KIF1B: variants seen among roughly 807,000 people sequenced by gnomAD.
The protein encoded by KIF1B is kinesin family member 1B, also known as kinesin-like protein KIF1B.
In KIF1B, 76 loss-of-function variants were observed where a neutral mutation model predicts 241.9. That is an observed-to-expected ratio of 0.31 (90% CI 0.26 to 0.38). KIF1B has a LOEUF of 0.38. KIF1B is among the 10% of genes least tolerant of loss of function. KIF1B has a pLI of 1.00. For synonymous variants in KIF1B, 750 were observed against 796.7 expected, an observed-to-expected ratio of 0.94 and a Z score of 0.99; for missense variants, 1,622 against 2,271.4, an observed-to-expected ratio of 0.71 and a Z score of 5.81.
At chr1:10,332,904 C>T (rs1303925368) in intron 27 of KIF1B, among the ~76,000 whole-genome samples, 3 of 151,418 alleles carry the variant, frequency 2.0e-5, no homozygotes, top group African/African-American at 7.3e-5. Flanking sequence ...CTCCACCTCC[C>T]GGGTTCAAGC....
chr1:10,324,209 T>G (rs746126105), intron 25 of KIF1B, 147 bp downstream of exon 25: 49 of 762,780 alleles, frequency 6.4e-5, no homozygotes, highest in Non-Finnish European at 1.1e-4. Context: ...CCAATGGTAT[T>G]ACCATCCATC....
Position 10,277,970 on chromosome 1 carries a change from T to G in KIF1B, c.1038-16T>G. Reference sequence around the variant, plus strand: ...ATATGAGAAATGACAAGAACAAATTTTCTTTTTGGATCTAGATATGCAGAT... The same window carrying G: ...ATATGAGAAATGACAAGAACAAATTGTCTTTTTGGATCTAGATATGCAGAT... On this transcript the variant is annotated splice_polypyrimidine_tract_variant and intron_variant, in intron 12 of 48. Transcript: ENST00000676179. The G allele has an allele frequency of 6.2e-7, 1 of 1,612,496 alleles. No individual in the cohort carries two copies. The highest frequency in any genetic ancestry group is 8.5e-7 in the Non-Finnish European group (1 of 1,178,884).
intron 38 of KIF1B, among the ~76,000 whole-genome samples, chr1:10,358,494 C>T (rs1638320590): frequency 6.6e-6 from 1 of 152,034 alleles, no homozygotes; most frequent in Non-Finnish European, 1.5e-5. Flanking sequence ...TGGATGTATC[C>T]AGCCTCTGAA....
At chr1:10,296,509 T>A in intron 19 of KIF1B, 73 bp from the exon 20 acceptor site, 1 of 1,252,664 alleles carries the variant, frequency 8.0e-7, no homozygotes, top group Non-Finnish European at 1.2e-6. Context: ...CAAATCCTGA[T>A]AAGCAACTGC....
Position 10,220,851 on chromosome 1 carries a change from C to T in KIF1B, c.-80+9973C>T, listed in dbSNP as rs1013702270. On this transcript the variant is annotated intron_variant, in intron 1 of 48. Transcript: ENST00000676179. ...CTGATTTTTGTGCTTTTAATAGAGA[C>T]GGAGTTTCACCATGCTGGCCAGGCT... 4.6e-5 allele frequency among the ~76,000 whole-genome samples: 7 copies of T among 151,736 alleles called. No homozygotes were observed. In the East Asian group the frequency reaches 5.9e-4, roughly 13 times the overall value.
chr1:10,219,375 A>G (rs1223711626), intron 1 of KIF1B, among the ~76,000 whole-genome samples: 1 of 152,028 alleles, frequency 6.6e-6, no homozygotes, highest in Non-Finnish European at 1.5e-5. Flanking sequence ...CAAGAGAATC[A>G]CTTGAACCTG....
rs200434172 is a variant in KIF1B, at chr1:10,238,014, A to AAAAG, written c.106+5596_106+5599dup. On this transcript the variant is annotated intron_variant, in intron 2 of 48. Transcript: ENST00000676179. ...ATGGAGTGAGACACTGTTTCAGGAA[A>AAAAG]AAAGAAAGAAAGAAAGAAAATTTGG... 1.5e-4 allele frequency among the ~76,000 whole-genome samples: 23 copies of AAAAG among 152,118 alleles called. 1 individual carries two copies. The highest frequency in any genetic ancestry group is 1.0e-3 in the Admixed American group (16 of 15,250).
intron 26 of KIF1B, among the ~76,000 whole-genome samples, chr1:10,325,586 A>T (rs960904974): frequency 1.3e-5 from 2 of 152,226 alleles, no homozygotes; most frequent in Non-Finnish European, 2.9e-5. Context: ...TGTGGAAATG[A>T]AGTAAATCTT....
chr1:10,376,707 C>G lies in KIF1B; in HGVS notation c.*120C>G, dbSNP rs1436024977. 1.0e-6 allele frequency: 1 copy of G among 995,042 alleles called. No individual in the cohort carries two copies. Among genetic ancestry groups the G allele is most frequent in the Non-Finnish European group, 1.6e-6 (1 of 625,710 alleles). 61.6% of individuals were successfully genotyped at this position (995,042 alleles called of 1,614,324 possible). On this transcript the variant is annotated 3_prime_UTR_variant, in exon 49 of 49. Coordinates refer to ENST00000676179, the MANE Select transcript of KIF1B (RefSeq NM_001365951.3). ...TAATCCTGTGGCTTAACTACTTCTC[C>G]CTCCTTGTCCAGCACTTTTCTAGCT... is the stretch of plus-strand genomic sequence containing the variant.
chr1:10,344,249 C>T (rs1652507275), intron 34 of KIF1B, among the ~76,000 whole-genome samples: 1 of 152,212 alleles, frequency 6.6e-6, no homozygotes, highest in South Asian at 2.1e-4. Context: ...CTCTTTCTGC[C>T]AGTTCCCAGC....
At chr1:10,360,864 CA>C in intron 38 of KIF1B, 64 bp from the exon 39 acceptor site, 3 of 1,023,494 alleles carry the variant, frequency 2.9e-6, no homozygotes, top group Non-Finnish European at 4.7e-6. Context: ...TTGACAGTGG[CA>C]GTACCTGGAC....
chr1:10,273,775 C>T (rs1375033746), intron 10 of KIF1B, among the ~76,000 whole-genome samples: 2 of 146,492 alleles, frequency 1.4e-5, no homozygotes, highest in Non-Finnish European at 3.0e-5. Context: ...ACTAAGAGGC[C>T]AGCCATGTAG....
rs1638929184 is a variant in KIF1B at position 10,377,854 on chromosome 1, T to G, written c.*1267T>G. The G allele has an allele frequency of 5.4e-6, 1 of 185,874 alleles. No homozygotes were observed. Among genetic ancestry groups the G allele is most frequent in the African/African-American group, 2.4e-5 (1 of 42,536 alleles). The allele number at this position is 185,874 out of a possible 1,614,324, so 11.5% of individuals were successfully genotyped here. ...GGGAGCCTGAGGCAGGAGAACTGCT[T>G]GAACCCAGGAGGCAGAGGTTGCAGT... On this transcript the variant is annotated 3_prime_UTR_variant, in exon 49 of 49. Transcript: ENST00000676179.
chr1:10,217,313 A>G (rs1312077564), intron 1 of KIF1B, among the ~76,000 whole-genome samples: 2 of 148,654 alleles, frequency 1.3e-5, no homozygotes, highest in South Asian at 2.1e-4. Flanking sequence ...TAGTCCTACC[A>G]TAGGGCACTT....
intron 2 of KIF1B, among the ~76,000 whole-genome samples, chr1:10,237,603 G>A (rs548134562): frequency 6.6e-6 from 1 of 151,700 alleles, no homozygotes; most frequent in South Asian, 2.1e-4. Flanking sequence ...TTTTTTTCCT[G>A]TTTATTACTC....
At chr1:10,249,730 T>C (rs1371748506) in intron 2 of KIF1B, among the ~76,000 whole-genome samples, 1 of 152,106 alleles carries the variant, frequency 6.6e-6, no homozygotes, top group Non-Finnish European at 1.5e-5. Flanking sequence ...AGGGAGACCC[T>C]GTCTCTACAA....
At chr1:10,305,107 C>G (rs895622909) in intron 22 of KIF1B, 6 of 1,066,110 alleles carry the variant, frequency 5.6e-6, no homozygotes, top group Middle Eastern at 4.3e-4. Context: ...TAATAACATG[C>G]AACTGGGTGG....
chr1:10,332,191 G>A (rs935842611), intron 27 of KIF1B, among the ~76,000 whole-genome samples: 3 of 151,440 alleles, frequency 2.0e-5, no homozygotes, highest in African/African-American at 7.3e-5. Context: ...CGGCGCCCCC[G>A]AGTAGCTGGG....
rs888298451 is a variant in KIF1B at position 10,305,465 on chromosome 1, C to T, written c.2115+8219C>T. On this transcript the variant is annotated intron_variant, in intron 22 of 48. Transcript: ENST00000676179. ...AAAATCATGCCAACAGAAATACCAA[C>T]AAAAAACTTGTGTAGCTTGTAAGGA... 9 of 1,059,270 alleles carry T rather than the reference C, an allele frequency of 8.5e-6. No individual in the cohort carries two copies. In the Admixed American group the frequency reaches 2.7e-4, roughly 32 times the overall value. The allele number at this position is 1,059,270 out of a possible 1,614,324, so 65.6% of individuals were successfully genotyped here. A position where few individuals can be genotyped will look rare whatever the true frequency, so the allele number is the denominator to read the frequency against.
Sources: gnomAD v4.1 joint callset for allele counts (sites outside exome capture counted in the v4.1 genomes callset) on GRCh38, gnomAD v4.1.1 for gene constraint, MANE v1.5 for transcripts, NCBI Gene and HGNC (gene_info 2026-07-23, HGNC 2026-07-21) for gene names.